Variants in PKHD1 observed in about 807,000 individuals in gnomAD.
The protein encoded by PKHD1 is PKHD1 ciliary IPT domain containing fibrocystin/polyductin.
PKHD1 carries 291 observed loss-of-function variants against 412.0 expected under a neutral mutation model. The ratio of observed to expected loss-of-function variants is 0.71; its 90% CI spans 0.64 to 0.78. The LOEUF (loss-of-function observed/expected upper bound fraction) is 0.78, where lower values mean the gene tolerates loss of function less well. PKHD1 is among the 30% of genes least tolerant of loss of function. The pLI is 0.00. For missense variants in PKHD1, 4,825 were observed against 4,950.7 expected (o/e 0.97, Z 0.76); for synonymous variants, 1,777 against 1,821.5 (o/e 0.98, Z 0.62).
intron 8 of PKHD1, among the ~76,000 whole-genome samples, chr6:52,071,444 A>C (rs1487156379): frequency 6.6e-6 from 1 of 151,958 alleles, no homozygotes; most frequent in Non-Finnish European, 1.5e-5. Context: ...GACACAAGGA[A>C]GACTACACAC....
chr6:51,980,664 C>A (rs919517546), intron 35 of PKHD1, among the ~76,000 whole-genome samples: 13 of 152,098 alleles, frequency 8.5e-5, no homozygotes, highest in Non-Finnish European at 1.8e-4. Context: ...TGGACGTTTA[C>A]AAGAGAAGGT....
At chr6:51,918,049 T>C (rs114203174) in intron 37 of PKHD1, among the ~76,000 whole-genome samples, 2,718 of 152,146 alleles carry the variant, frequency 0.018, 81 homozygotes, top group African/African-American at 0.062. Context: ...GAGAGCCTGA[T>C]GTGTTACTCT....
intron 60 of PKHD1, among the ~76,000 whole-genome samples, chr6:51,726,205 C>T (rs1749622957): frequency 6.6e-6 from 1 of 152,168 alleles, no homozygotes; most frequent in Non-Finnish European, 1.5e-5. Context: ...TTATCAGGCA[C>T]TGGACATACA....
chr6:51,660,681 A>C (rs1772690360), intron 60 of PKHD1, among the ~76,000 whole-genome samples: 2 of 152,200 alleles, frequency 1.3e-5, no homozygotes, highest in African/African-American at 4.8e-5. Flanking sequence ...ATATTACAAA[A>C]GACGCAGATG....
At chr6:51,672,314 T>C (rs553384955) in intron 60 of PKHD1, among the ~76,000 whole-genome samples, 1 of 152,344 alleles carries the variant, frequency 6.6e-6, no homozygotes, top group Admixed American at 6.5e-5. Context: ...ATTTCAAAAA[T>C]GCTGTAGCTA....
chr6:52,024,925 TG>T lies in PKHD1; in HGVS notation c.4884del (p.Thr1629GlnfsTer10). The T allele has an allele frequency of 6.2e-7, 1 of 1,614,196 alleles. No homozygotes were observed. The highest frequency in any genetic ancestry group is 8.5e-7 in the Non-Finnish European group (1 of 1,180,030). On this transcript the variant is annotated frameshift_variant, in exon 32 of 67. Transcript: ENST00000371117. LOFTEE classifies it high-confidence loss of function. ...TCCAGGGCAACAGAGCCATTCCCTGTGGGAACAATGCACCGGATGAGCTCAG... is the reference window on the plus strand; with the variant it reads ...TCCAGGGCAACAGAGCCATTCCCTGTGGAACAATGCACCGGATGAGCTCAG... The part of the protein sequence containing the change: ...IGAELIRCIV[P>X]TGNGSVALEI...
intron 29 of PKHD1, among the ~76,000 whole-genome samples, chr6:52,031,192 G>C (rs1341861552): frequency 1.3e-5 from 2 of 152,194 alleles, no homozygotes; most frequent in Non-Finnish European, 2.9e-5. Flanking sequence ...TGAAGGAACT[G>C]AAGATAAAAG....
intron 36 of PKHD1, among the ~76,000 whole-genome samples, chr6:51,950,220 A>AAAAAAAATATATATATATATATATATAT: frequency 3.1e-5 from 3 of 98,304 alleles, no homozygotes; most frequent in Admixed American, 1.3e-4. Flanking sequence ...GAAAAAAAAA[A>AAAAAAAATATATATATATATATATATAT]ATATATATAT....
chr6:51,867,018 T>G (rs1223235464), intron 48 of PKHD1, among the ~76,000 whole-genome samples: 1 of 152,178 alleles, frequency 6.6e-6, no homozygotes, highest in Non-Finnish European at 1.5e-5. Context: ...TGATTCCACA[T>G]GCATTCAAAA....
At chr6:51,822,977 G>A (rs1766695021) in intron 52 of PKHD1, among the ~76,000 whole-genome samples, 3 of 151,948 alleles carry the variant, frequency 2.0e-5, no homozygotes, top group Admixed American at 2.0e-4. Flanking sequence ...TATTGTTAAG[G>A]TCAAAGTATA....
chr6:51,935,872 T>C (rs1787391930), intron 36 of PKHD1, among the ~76,000 whole-genome samples: 2 of 152,204 alleles, frequency 1.3e-5, no homozygotes, highest in Admixed American at 6.5e-5. Context: ...TATCGGAATG[T>C]TCTGATATTC....
intron 36 of PKHD1, among the ~76,000 whole-genome samples, chr6:51,948,426 A>G (rs1789808603): frequency 6.6e-6 from 1 of 152,156 alleles, no homozygotes. Context: ...CTGTGTGCCA[A>G]TATCCCCAAC....
intron 60 of PKHD1, among the ~76,000 whole-genome samples, chr6:51,661,577 G>A (rs142654235): frequency 5.6e-4 from 85 of 152,076 alleles, no homozygotes; most frequent in African/African-American, 1.9e-3. Context: ...TAGTAACTTC[G>A]GAAGTTGTTG....
At chr6:52,006,220 G>C (rs1313447454) in intron 35 of PKHD1, among the ~76,000 whole-genome samples, 1 of 151,598 alleles carries the variant, frequency 6.6e-6, no homozygotes, top group Non-Finnish European at 1.5e-5. Context: ...TGTCACCCAG[G>C]CTGGAGTGCA....
At chr6:51,865,910 T>C (rs1774995865) in intron 48 of PKHD1, among the ~76,000 whole-genome samples, 1 of 152,170 alleles carries the variant, frequency 6.6e-6, no homozygotes, top group African/African-American at 2.4e-5. Context: ...TAGCTAGGGA[T>C]AGAATCATAG....
At chr6:51,730,491 A>T (rs928091570) in intron 60 of PKHD1, among the ~76,000 whole-genome samples, 2 of 152,244 alleles carry the variant, frequency 1.3e-5, no homozygotes, top group Non-Finnish European at 2.9e-5. Flanking sequence ...TATTTTTGTT[A>T]TAAACTAAAT....
At chr6:51,740,116 C>T in intron 60 of PKHD1, 1 of 478,110 alleles carries the variant, frequency 2.1e-6, no homozygotes, top group Non-Finnish European at 4.2e-6. Flanking sequence ...AGATCACCTG[C>T]TTGGCATGAG....
chr6:51,953,050 A>T (rs1790587885), intron 36 of PKHD1, among the ~76,000 whole-genome samples: 2 of 152,250 alleles, frequency 1.3e-5, no homozygotes, highest in South Asian at 4.1e-4. Flanking sequence ...ACTGACTCAA[A>T]TTTGAAGTCA....
chr6:52,078,870 T>C (rs115021704), intron 5 of PKHD1, among the ~76,000 whole-genome samples: 92 of 152,330 alleles, frequency 6.0e-4, no homozygotes, highest in Middle Eastern at 3.4e-3. Context: ...CTGCTGCATA[T>C]GTGCAAAAGC....
Sources: allele counts gnomAD v4.1 joint callset (sites outside exome capture counted in the v4.1 genomes callset), GRCh38; gene constraint gnomAD v4.1.1; transcripts MANE v1.5; gene names NCBI Gene and HGNC (gene_info 2026-07-23, HGNC 2026-07-21).